SPECC1L: variants seen among roughly 807,000 people sequenced by gnomAD.
The protein encoded by SPECC1L is cytospin-A.
A neutral mutation model predicts 116.8 loss-of-function variants in SPECC1L; 40 were observed. The observed-to-expected ratio is 0.34, with a 90% CI of 0.27 to 0.45. SPECC1L has a LOEUF of 0.45. Among genes scored for constraint, SPECC1L ranks in the 20% least tolerant of loss-of-function variants. The pLI, the probability that SPECC1L is intolerant of heterozygous loss-of-function variation, is 1.00. For synonymous variants in SPECC1L, 504 were observed against 500.6 expected (o/e 1.01, Z -0.09); for missense variants, 1,110 against 1,373.6 (o/e 0.81, Z 3.03).
At chr22:24,330,610 A>C (rs562429253) in intron 8 of SPECC1L, among the ~76,000 whole-genome samples, 179 bp downstream of exon 8, 1 of 152,294 alleles carries the variant, frequency 6.6e-6, no homozygotes, top group South Asian at 2.1e-4. Context: ...AGTACCATCT[A>C]TGTGGATCTT....
intron 14 of SPECC1L, among the ~76,000 whole-genome samples, chr22:24,408,594 C>T (rs531807917): frequency 2.5e-4 from 38 of 152,386 alleles, no homozygotes; most frequent in African/African-American, 8.4e-4. Context: ...CCTTCCCCTG[C>T]GACTCTTGGC....
intron 3 of SPECC1L, chr22:24,304,361 A>G (rs1226304839): frequency 6.6e-6 from 1 of 152,196 alleles, no homozygotes; most frequent in Admixed American, 6.5e-5. Context: ...GGCTAGATGT[A>G]GTTGAGGGTT....
intron 11 of SPECC1L, among the ~76,000 whole-genome samples, chr22:24,356,341 T>TA (rs1160068622): frequency 6.6e-6 from 1 of 152,182 alleles, no homozygotes; most frequent in Non-Finnish European, 1.5e-5. Context: ...TCATGTATCT[T>TA]AAAGTTCTGT....
chr22:24,340,569 G>A (rs957589755), intron 10 of SPECC1L, among the ~76,000 whole-genome samples: 2 of 152,138 alleles, frequency 1.3e-5, no homozygotes, highest in Non-Finnish European at 2.9e-5. Context: ...AACTTTAAGT[G>A]GTGTTTATCA....
chr22:24,298,245 A>G (rs898250481), intron 2 of SPECC1L, among the ~76,000 whole-genome samples: 37 of 152,188 alleles, frequency 2.4e-4, no homozygotes, highest in Non-Finnish European at 4.6e-4. Flanking sequence ...AGGCTAAGCT[A>G]TGACGTTCAG....
intron 14 of SPECC1L, among the ~76,000 whole-genome samples, chr22:24,402,910 T>C (rs2042507923): frequency 6.6e-6 from 1 of 152,188 alleles, no homozygotes; most frequent in African/African-American, 2.4e-5. Flanking sequence ...TTTGTGGAGA[T>C]TTGTATAATC....
At chr22:24,410,603 C>T (rs996020158) in intron 14 of SPECC1L, among the ~76,000 whole-genome samples, 6 of 152,196 alleles carry the variant, frequency 3.9e-5, no homozygotes, top group Non-Finnish European at 7.3e-5. Context: ...CATCTTTAAG[C>T]GAAACCTGTA....
At chr22:24,377,378 T>C (rs529982445) in intron 14 of SPECC1L, among the ~76,000 whole-genome samples, 1 of 152,280 alleles carries the variant, frequency 6.6e-6, no homozygotes, top group African/African-American at 2.4e-5. Flanking sequence ...TCTTCCCACC[T>C]CAGCCTCCCA....
intron 1 of SPECC1L, among the ~76,000 whole-genome samples, chr22:24,272,368 A>G (rs550490507): frequency 6.6e-6 from 1 of 151,896 alleles, no homozygotes; most frequent in South Asian, 2.1e-4. Context: ...CCGTCTCAAA[A>G]AAACAAAAAC....
At chr22:24,274,794 T>C (rs1196434748) in intron 1 of SPECC1L, among the ~76,000 whole-genome samples, 1 of 152,210 alleles carries the variant, frequency 6.6e-6, no homozygotes, top group East Asian at 1.9e-4. Flanking sequence ...TCTCCTTAGC[T>C]TGGTATCCAG....
chr22:24,384,908 C>T (rs1343040439), intron 14 of SPECC1L, among the ~76,000 whole-genome samples: 2 of 151,872 alleles, frequency 1.3e-5, no homozygotes, highest in Admixed American at 6.6e-5. Context: ...AACCCCGTCT[C>T]AACTAAAAAT....
At chr22:24,298,316 T>C (rs1299941253) in intron 2 of SPECC1L, among the ~76,000 whole-genome samples, 1 of 152,246 alleles carries the variant, frequency 6.6e-6, no homozygotes, top group Non-Finnish European at 1.5e-5. Flanking sequence ...GATATTTTTA[T>C]TCCATCATAA....
intron 13 of SPECC1L, among the ~76,000 whole-genome samples, chr22:24,367,147 C>T (rs140046235): frequency 2.6e-5 from 4 of 152,264 alleles, no homozygotes; most frequent in African/African-American, 9.6e-5. Flanking sequence ...TGAGCGAGAT[C>T]GTGCGACTGC....
At chr22:24,273,866 C>G (rs2048779538) in intron 1 of SPECC1L, among the ~76,000 whole-genome samples, 1 of 152,250 alleles carries the variant, frequency 6.6e-6, no homozygotes, top group Non-Finnish European at 1.5e-5. Context: ...TCAAGCGATT[C>G]TCCTGCCTCA....
intron 14 of SPECC1L, among the ~76,000 whole-genome samples, chr22:24,373,491 C>CT (rs1193020025): frequency 6.6e-6 from 1 of 151,198 alleles, no homozygotes; most frequent in African/African-American, 2.5e-5. Context: ...ACCATCTGAT[C>CT]TTTGACAGAC....
At chr22:24,411,750 G>A in intron 15 of SPECC1L, 46 bp downstream of exon 15, 2 of 1,509,156 alleles carry the variant, frequency 1.3e-6, no homozygotes, top group Non-Finnish European at 1.8e-6. Context: ...CACAGGGTTG[G>A]AGGGCTGAGA....
rs1027602636 is a variant in SPECC1L, at chr22:24,316,002, G to A, written c.307+2536G>A. On this transcript the variant is annotated intron_variant, in intron 4 of 16. Transcript: ENST00000314328. Reference sequence around the variant, plus strand: ...ATTACCTCTTTAACTTCATTATCCTGTCTCCAGGTGCAGTCACATTTGAGG... The same window carrying A: ...ATTACCTCTTTAACTTCATTATCCTATCTCCAGGTGCAGTCACATTTGAGG... Among the ~76,000 whole-genome samples, 11 of 152,206 alleles carry A rather than the reference G, an allele frequency of 7.2e-5. 1 individual carries two copies. Among genetic ancestry groups the A allele is most frequent in the African/African-American group, 7.2e-5 (3 of 41,514 alleles).
chr22:24,288,644 T>TTTTTTTTG (rs2049097699), intron 2 of SPECC1L, among the ~76,000 whole-genome samples: 1 of 125,308 alleles, frequency 8.0e-6, no homozygotes, highest in African/African-American at 3.2e-5. Flanking sequence ...TTTTTTTTTT[T>TTTTTTTTG]GGACATATCC....
Position 24,321,812 on chromosome 22 carries a change from C to A in SPECC1L, c.832C>A (p.Leu278Ile). The A allele has an allele frequency of 6.2e-7, 1 of 1,614,194 alleles. No homozygotes were observed. The highest frequency in any genetic ancestry group is 8.5e-7 in the Non-Finnish European group (1 of 1,180,036). The stretch of plus-strand genomic sequence containing the variant: ...CAGGTTGAATGCATTGGGCTTTTCC[C>A]TAGAGCAGAGGTTAGACAATTCTGA... ...KDRLNALGFS[L>I]EQRLDNSEKL... Residue 278 changes from leucine (L) to isoleucine (I), a missense_variant, in exon 5 of 17, where the codon CTA becomes ATA. By Grantham distance (5) the Leu-to-Ile change is conservative. Coordinates refer to ENST00000314328, the MANE Select transcript of SPECC1L (RefSeq NM_015330.6).
Sources: gnomAD v4.1 joint callset for allele counts (sites outside exome capture counted in the v4.1 genomes callset) on GRCh38, gnomAD v4.1.1 for gene constraint, MANE v1.5 for transcripts, NCBI Gene and HGNC (gene_info 2026-07-23, HGNC 2026-07-21) for gene names.